CSF2RB: variants seen among roughly 807,000 people sequenced by gnomAD.
CSF2RB encodes the protein colony stimulating factor 2 receptor subunit beta.
A neutral mutation model predicts 67.2 loss-of-function variants in CSF2RB; 22 were observed. The observed-to-expected ratio is 0.33, with a 90% confidence interval of 0.23 to 0.47. The LOEUF is 0.47. Ranked by LOEUF, CSF2RB falls within the 20% of genes least tolerant of loss-of-function variation. CSF2RB has a pLI of 1.00. For missense variants in CSF2RB, 1,113 were observed against 1,174.5 expected, an observed-to-expected ratio of 0.95 and a Z score of 0.76; for synonymous variants, 507 against 482.9, an observed-to-expected ratio of 1.05 and a Z score of -0.65.
In CSF2RB at chr22:36,937,606, C is replaced by T. The variant is rs368023950; in HGVS notation, c.1798C>T (p.Arg600Cys). ...GCCCTACCTGGGGCCGCCCCACAGC[C>T]GCTCCCTACCTGACATCCTGGGCCA... ...NGPYLGPPHS[R>C]SLPDILGQPE... Residue 600 changes from arginine (R) to cysteine (C), a missense_variant, in exon 14 of 14, where the codon CGC becomes TGC. Arg to Cys is a radical substitution (Grantham distance 180). Around this residue, in one of 2 missense-constraint regions of CSF2RB, gnomAD observed 554 missense variants for 517.9 expected, o/e 1.07. Coordinates refer to ENST00000403662, the MANE Select transcript of CSF2RB (RefSeq NM_000395.3). The surrounding 1 kb of genome is among the most constrained non-coding windows in gnomAD (Gnocchi z 4.6). 3.9e-5 allele frequency: 62 copies of T among 1,580,042 alleles called. No homozygotes were observed. Among genetic ancestry groups the T allele is most frequent in the South Asian group, 5.7e-5 (5 of 87,836 alleles).
chr22:36,938,679 C>T lies in CSF2RB; in HGVS notation c.*177C>T, dbSNP rs1941328283. The T allele has an allele frequency of 1.6e-6, 1 of 632,660 alleles. No homozygotes were observed. The highest frequency in any genetic ancestry group is 1.8e-5 in the African/African-American group (1 of 54,442). The allele number at this position is 632,660 out of a possible 1,614,324, so 39.2% of individuals were successfully genotyped here. ...GACCTTCAGCAAATCACTTCTCTCC[C>T]TGCGCTCACACAGACACACACACAC... On this transcript the variant is annotated 3_prime_UTR_variant, in exon 14 of 14. Coordinates refer to ENST00000403662, the MANE Select transcript of CSF2RB (RefSeq NM_000395.3).
At chr22:36,935,258 T>A in intron 10 of CSF2RB, 93 bp from the exon 11 acceptor site, 1 of 1,152,972 alleles carries the variant, frequency 8.7e-7, no homozygotes, top group East Asian at 2.5e-5. Flanking sequence ...CAGAGCGGGG[T>A]CTTAAGGAAT....
chr22:36,932,737 ACT>A (rs1941175819), intron 8 of CSF2RB, 26 bp from the exon 9 acceptor site: 1 of 1,609,802 alleles, frequency 6.2e-7, no homozygotes. Flanking sequence ...GGGTATGATG[ACT>A]CTCCTGAAAG....
At chr22:36,924,707 C>T (rs181456065) in intron 3 of CSF2RB, among the ~76,000 whole-genome samples, 30 of 152,286 alleles carry the variant, frequency 2.0e-4, no homozygotes, top group African/African-American at 6.7e-4. Flanking sequence ...ATGGTTGGGC[C>T]TCCGCCTTCT....
chr22:36,937,716 G>A lies in CSF2RB; in HGVS notation c.1908G>A (p.Gln636=). ...LEYLCLPAGG[Q]VQLVPLAQAM... is the part of the protein sequence containing the mutation. ...ACCTGTGTCTGCCTGCTGGGGGGCA[G>A]GTGCAACTGGTCCCTCTGGCCCAGG... is the stretch of plus-strand genomic sequence containing the variant. Residue 636 remains glutamine, a synonymous_variant, in exon 14 of 14, where the codon CAG becomes CAA. Transcript: ENST00000403662. The surrounding 1 kb of genome is among the most constrained non-coding windows in gnomAD (Gnocchi z 4.6). 6.4e-7 allele frequency: 1 copy of A among 1,556,788 alleles called. No homozygotes were observed. The highest frequency in any genetic ancestry group is 8.7e-7 in the Non-Finnish European group (1 of 1,150,010).
intron 9 of CSF2RB, among the ~76,000 whole-genome samples, chr22:36,933,577 G>A (rs919961076): frequency 5.3e-5 from 8 of 152,242 alleles, no homozygotes; most frequent in Non-Finnish European, 1.0e-4. Flanking sequence ...GGGTGGGACA[G>A]GTGGCTTCAG....
At chr22:36,927,524 A>G (rs1328942152) in intron 4 of CSF2RB, among the ~76,000 whole-genome samples, 2 of 152,220 alleles carry the variant, frequency 1.3e-5, no homozygotes, top group East Asian at 3.9e-4. Context: ...CTGGGGGATC[A>G]GAAGGGCATG....
chr22:36,925,988 G>C lies in CSF2RB; in HGVS notation c.202G>C (p.Asp68His). 1 of 1,614,166 alleles carries C rather than the reference G, an allele frequency of 6.2e-7. No individual in the cohort carries two copies. The highest frequency in any genetic ancestry group is 8.5e-7 in the Non-Finnish European group (1 of 1,180,042). The stretch of plus-strand genomic sequence containing the variant: ...CTAAGCCGTGTCCTCTCCCAACAGG[G>C]ACCTCCTGGAGCCAGTGTCCTGTGA... The part of the protein sequence containing the change: ...NVTLIRRVNE[D>H]LLEPVSCDLS... The change falls in exon 4 of 14, where the codon GAC becomes CAC. Residue 68 changes from aspartate to histidine, a missense_variant and splice_region_variant. Transcript: ENST00000403662.
intron 1 of CSF2RB, among the ~76,000 whole-genome samples, chr22:36,917,597 T>C (rs1232036212): frequency 6.6e-6 from 1 of 152,242 alleles, no homozygotes; most frequent in Non-Finnish European, 1.5e-5. Context: ...ATTTTTAATC[T>C]TTATGTTTTT....
chr22:36,935,468 T>A (rs1421896982), intron 11 of CSF2RB, 27 bp downstream of exon 11: 6 of 1,611,682 alleles, frequency 3.7e-6, no homozygotes, highest in Non-Finnish European at 5.1e-6. Context: ...GGGCTGGAGG[T>A]GGCAGCCGAG....
At position 36,929,866 on chromosome 22, in the gene CSF2RB, T is replaced by C. The variant is rs933734738; in HGVS notation, c.718+59T>C. 5.1e-6 allele frequency: 8 copies of C among 1,573,004 alleles called. No individual in the cohort carries two copies. The African/African-American group carries it at 8.1e-5, about 16-fold the overall frequency. ...GTGGGAGGGCAGGCTCATCAGGAGC[T>C]CCTGGCACAGCAGGGTTCCTGGGCT... is the stretch of plus-strand genomic sequence containing the variant. On this transcript the variant is annotated intron_variant, in intron 6 of 13. Coordinates refer to ENST00000403662, the MANE Select transcript of CSF2RB (RefSeq NM_000395.3).
chr22:36,923,001 G>C (rs780636102), intron 2 of CSF2RB, among the ~76,000 whole-genome samples: 10 of 152,148 alleles, frequency 6.6e-5, no homozygotes, highest in Non-Finnish European at 1.3e-4. Flanking sequence ...AGCACACTGC[G>C]GAGGCCCAGA....
rs995984002 is a variant in CSF2RB at position 36,938,644 on chromosome 22, C to T, written c.*142C>T. The T allele has an allele frequency of 5.9e-5, 51 of 869,778 alleles. No homozygotes were observed. The highest frequency in any genetic ancestry group is 1.3e-4 in the South Asian group (7 of 55,382). The allele number at this position is 869,778 out of a possible 1,614,324, so 53.9% of individuals were successfully genotyped here. Reference sequence around the variant, plus strand: ...CCTGGGAAAGGAGATAGCCTTGCTCCGGCCCCCTTGACCTTCAGCAAATCA... The same window carrying T: ...CCTGGGAAAGGAGATAGCCTTGCTCTGGCCCCCTTGACCTTCAGCAAATCA... On this transcript the variant is annotated 3_prime_UTR_variant, in exon 14 of 14. Coordinates refer to ENST00000403662, the MANE Select transcript of CSF2RB (RefSeq NM_000395.3).
In CSF2RB at chr22:36,938,454, C is replaced by A. The variant is rs769457969; in HGVS notation, c.2646C>A (p.Tyr882Ter). 7 of 1,614,048 alleles carry A rather than the reference C, an allele frequency of 4.3e-6. No individual in the cohort carries two copies. The East Asian group carries it at 1.6e-4, about 36-fold the overall frequency. ...QLFKALKQQD[Y>*]LSLPPWEVNK... Reference sequence around the variant, plus strand: ...TCAAAGCCCTGAAGCAGCAGGACTACCTGTCTCTGCCCCCTTGGGAGGTCA... The same window carrying A: ...TCAAAGCCCTGAAGCAGCAGGACTAACTGTCTCTGCCCCCTTGGGAGGTCA... Residue 882 changes from tyrosine to a stop codon, truncating the protein, a stop_gained, in exon 14 of 14, where the codon TAC becomes TAA. Coordinates refer to ENST00000403662, the MANE Select transcript of CSF2RB (RefSeq NM_000395.3). LOFTEE classifies it high-confidence loss of function.
At position 36,937,635 on chromosome 22, in the gene CSF2RB, G is replaced by A. The variant is rs777958254; in HGVS notation, c.1827G>A (p.Pro609=). Residue 609 remains proline, a synonymous_variant, in exon 14 of 14, where the codon CCG becomes CCA. Coordinates refer to ENST00000403662, the MANE Select transcript of CSF2RB (RefSeq NM_000395.3). This position sits in a 1 kb window ranked among gnomAD's most constrained non-coding sequence, Gnocchi z 4.6. ...SRSLPDILGQ[P]EPPQEGGSQK... The stretch of plus-strand genomic sequence containing the variant: ...CCCTACCTGACATCCTGGGCCAGCC[G>A]GAGCCCCCACAGGAGGGTGGGAGCC... 4.7e-5 allele frequency: 74 copies of A among 1,560,188 alleles called. No individual in the cohort carries two copies. In the Middle Eastern group the frequency reaches 1.3e-3, roughly 28 times the overall value.
intron 7 of CSF2RB, 45 bp from the exon 8 acceptor site, chr22:36,930,628 G>T: frequency 6.2e-7 from 1 of 1,611,182 alleles, no homozygotes; most frequent in Non-Finnish European, 8.5e-7. Context: ...CCTCCCTCCC[G>T]TGTGCCCTCC....
rs1941330244 is a variant in CSF2RB at position 36,938,796 on chromosome 22, C to T, written c.*294C>T. The T allele has an allele frequency of 5.5e-6, 3 of 543,566 alleles. No homozygotes were observed. Among genetic ancestry groups the T allele is most frequent in the Non-Finnish European group, 9.7e-6 (3 of 308,912 alleles). 33.7% of individuals were successfully genotyped at this position (543,566 alleles called of 1,614,324 possible). A position where few individuals can be genotyped will look rare whatever the true frequency, so the allele number is the denominator to read the frequency against. ...TCTAGATATACTCATTCCATCTCCC[C>T]CTCATTTTTTTAATCAGGTTTCCTT... On this transcript the variant is annotated 3_prime_UTR_variant, in exon 14 of 14. Coordinates refer to ENST00000403662, the MANE Select transcript of CSF2RB (RefSeq NM_000395.3).
At chr22:36,925,487 T>C (rs2145793469) in intron 3 of CSF2RB, among the ~76,000 whole-genome samples, 1 of 152,282 alleles carries the variant, frequency 6.6e-6, no homozygotes, top group Non-Finnish European at 1.5e-5. Context: ...AATCCCATCA[T>C]GTAGATGGAT....
Position 36,926,051 on chromosome 22 carries a change from C to T in CSF2RB, c.265C>T (p.Pro89Ser), listed in dbSNP as rs570881311. 57 of 1,614,236 alleles carry T rather than the reference C, an allele frequency of 3.5e-5. No individual in the cohort carries two copies. The highest frequency in any genetic ancestry group is 4.8e-5 in the Non-Finnish European group (57 of 1,180,040). ...CATGCCCTGGTCAGCCTGCCCCCATCCCCGCTGCGTGCCCAGGAGATGTGT... is the reference window on the plus strand; with the variant it reads ...CATGCCCTGGTCAGCCTGCCCCCATTCCCGCTGCGTGCCCAGGAGATGTGT... ...DDMPWSACPH[P>S]RCVPRRCVIP... The change falls in exon 4 of 14, where the codon CCC (proline) becomes TCC (serine). Residue 89 changes from proline (P) to serine (S), a missense_variant. Pro to Ser is a moderately conservative substitution (Grantham distance 74). Coordinates refer to ENST00000403662, the MANE Select transcript of CSF2RB (RefSeq NM_000395.3).
Sources: allele counts gnomAD v4.1 joint callset (sites outside exome capture counted in the v4.1 genomes callset), GRCh38; gene constraint gnomAD v4.1.1; regional missense constraint gnomAD v4.1.1; non-coding constraint Gnocchi (gnomAD v3.1); transcripts MANE v1.5; gene names NCBI Gene and HGNC (gene_info 2026-07-23, HGNC 2026-07-21).